FCGRT: variants seen among roughly 807,000 people sequenced by gnomAD.
The protein encoded by FCGRT is Fc gamma receptor and transporter.
FCGRT carries 13 observed loss-of-function variants against 35.7 expected under a neutral mutation model. The observed-to-expected ratio is 0.36, with a 90% CI of 0.24 to 0.58. The LOEUF is 0.58. Among genes scored for constraint, FCGRT ranks in the 20% least tolerant of loss-of-function variants. The probability of loss-of-function intolerance (pLI) is 0.77; values close to 1 mark genes in which losing one functional copy is unlikely to be tolerated. For missense variants in FCGRT, 455 were observed against 474.9 expected (o/e 0.96, Z 0.39); for synonymous variants, 233 against 216.5 (o/e 1.08, Z -0.67).
chr19:49,515,573 G>A (rs564149784), intron 4 of FCGRT, among the ~76,000 whole-genome samples: 2 of 152,158 alleles, frequency 1.3e-5, no homozygotes, highest in East Asian at 3.9e-4. Flanking sequence ...GAGCTACCGC[G>A]TCTGGCCATA....
chr19:49,525,739 GGAGACAGAGACCCAGAGACGGGGGAACA>G (rs937702954), intron 6 of FCGRT, among the ~76,000 whole-genome samples, 166 bp downstream of exon 6: 19 of 151,512 alleles, frequency 1.3e-4, no homozygotes, highest in Non-Finnish European at 2.7e-4. Flanking sequence ...AGAGGGGGAC[GGAGACAGAGACCCAGAGACGGGGGAACA>G]GAGACCCAGA....
chr19:49,514,164 C>G (rs1284568830), intron 3 of FCGRT, 31 bp downstream of exon 3: 5 of 1,611,082 alleles, frequency 3.1e-6, no homozygotes, highest in Non-Finnish European at 2.5e-6. Flanking sequence ...GGCAAGGGGC[C>G]GGGTCCATGC....
At chr19:49,516,251 T>C (rs1601189606) in intron 4 of FCGRT, 2 of 424,030 alleles carry the variant, frequency 4.7e-6, no homozygotes, top group East Asian at 1.4e-4. Flanking sequence ...AAAATTTCTT[T>C]CTTTTTTTGA....
intron 4 of FCGRT, among the ~76,000 whole-genome samples, chr19:49,519,619 A>G (rs987640166): frequency 6.6e-6 from 1 of 152,130 alleles, no homozygotes; most frequent in Non-Finnish European, 1.5e-5. Flanking sequence ...GAGCAGCTCC[A>G]TCTAGAAGCT....
chr19:49,515,109 C>T (rs2080000317), intron 4 of FCGRT: 1 of 152,102 alleles, frequency 6.6e-6, no homozygotes, highest in South Asian at 2.1e-4. Context: ...GTCCTCCCAC[C>T]TCAGCCAACC....
At position 49,524,764 on chromosome 19, in the gene FCGRT, A is replaced by T; in HGVS notation, c.859A>T (p.Arg287Trp). ...VQHAGLAQPL[R>W]VELESPAKSS... ...GCACGCGGGGCTGGCGCAGCCCCTCAGGGTGGAGCTGGGTGAGGTCCCGCC... is the reference window on the plus strand; with the variant it reads ...GCACGCGGGGCTGGCGCAGCCCCTCTGGGTGGAGCTGGGTGAGGTCCCGCC... Residue 287 changes from arginine to tryptophan, a missense_variant, in exon 5 of 7, where the codon AGG (arginine) becomes TGG (tryptophan). By Grantham distance (101) the Arg-to-Trp change is moderately radical. Transcript: ENST00000221466. 1 of 1,600,188 alleles carries T rather than the reference A, an allele frequency of 6.2e-7. No homozygotes were observed. Among genetic ancestry groups the T allele is most frequent in the Non-Finnish European group, 8.5e-7 (1 of 1,179,606 alleles).
rs1761566171 is a variant in FCGRT, at chr19:49,525,525, G to A, written c.940G>A (p.Ala314Thr). The A allele has an allele frequency of 6.2e-7, 1 of 1,613,846 alleles. No homozygotes were observed. Among genetic ancestry groups the A allele is most frequent in the Non-Finnish European group, 8.5e-7 (1 of 1,179,986 alleles). ...CGGTGTCTTGCTACTCACGGCAGCG[G>A]CTGTAGGAGGAGCTCTGTTGTGGAG... ...VIGVLLLTAAAVGGALLWRRM... is the reference protein window; with the variant it reads ...VIGVLLLTAATVGGALLWRRM... The change falls in exon 6 of 7, where the codon GCT becomes ACT. Residue 314 changes from alanine to threonine, a missense_variant. Physicochemically the swap from Ala to Thr is moderately conservative, Grantham distance 58 (BLOSUM62 0). Around this residue, in one of 3 missense-constraint regions of FCGRT, gnomAD observed 312 missense variants for 296.1 expected, o/e 1.05. Transcript: ENST00000221466.
chr19:49,526,247 C>T lies in FCGRT; in HGVS notation c.*128C>T, dbSNP rs1601202354. On this transcript the variant is annotated 3_prime_UTR_variant, in exon 7 of 7. Coordinates refer to ENST00000221466, the MANE Select transcript of FCGRT (RefSeq NM_001136019.3). ...GGGCCTAGTTGTCCTCCCTCTGGAGCCCCGTCCTGTGGTCTGCCTCAGTTT... is the reference window on the plus strand; with the variant it reads ...GGGCCTAGTTGTCCTCCCTCTGGAGTCCCGTCCTGTGGTCTGCCTCAGTTT... 4.5e-6 allele frequency: 3 copies of T among 660,984 alleles called. No individual in the cohort carries two copies. The highest frequency in any genetic ancestry group is 2.6e-5 in the Admixed American group (1 of 39,044). The allele number at this position is 660,984 out of a possible 1,614,324, so 40.9% of individuals were successfully genotyped here.
intron 2 of FCGRT, 200 bp downstream of exon 2, chr19:49,513,673 C>T (rs753499027): frequency 3.4e-5 from 17 of 496,972 alleles, no homozygotes; most frequent in Non-Finnish European, 5.5e-5. Context: ...GTTTCCCTCT[C>T]TCTCTCTGGG....
At chr19:49,514,615 G>C in intron 4 of FCGRT, 129 bp downstream of exon 4, 3 of 899,162 alleles carry the variant, frequency 3.3e-6, no homozygotes, top group Admixed American at 6.0e-5. Flanking sequence ...CATTCCTCAG[G>C]GGTCCTTCTA....
intron 4 of FCGRT, among the ~76,000 whole-genome samples, chr19:49,517,945 C>A (rs188737395): frequency 9.9e-5 from 15 of 152,260 alleles, no homozygotes; most frequent in African/African-American, 3.1e-4. Context: ...CCCACCTTGG[C>A]CTCCCAAAGT....
chr19:49,517,952 A>G (rs2080018144), intron 4 of FCGRT, among the ~76,000 whole-genome samples: 2 of 151,978 alleles, frequency 1.3e-5, no homozygotes, highest in South Asian at 4.2e-4. Context: ...TGGCCTCCCA[A>G]AGTGCTGGGA....
chr19:49,525,657 C>G, intron 6 of FCGRT, 84 bp downstream of exon 6: 1 of 935,590 alleles, frequency 1.1e-6, no homozygotes, highest in Non-Finnish European at 1.7e-6. Flanking sequence ...GGACAGAGAC[C>G]CAGAGAGGGG....
intron 4 of FCGRT, chr19:49,516,282 G>A (rs531419090): frequency 2.3e-5 from 9 of 399,422 alleles, no homozygotes; most frequent in Middle Eastern, 3.9e-4. Flanking sequence ...CGCTCTTGTC[G>A]CCCAGGCTGG....
chr19:49,515,166 A>T (rs900891676), intron 4 of FCGRT: 4 of 151,456 alleles, frequency 2.6e-5, no homozygotes, highest in Non-Finnish European at 5.9e-5. Flanking sequence ...GGCTAACTTT[A>T]TATTTTGTAG....
rs536968867 is a variant in FCGRT, at chr19:49,524,908, G to A, written c.871+132G>A. On this transcript the variant is annotated intron_variant, in intron 5 of 6. Transcript: ENST00000221466. ...TGAATCTGACTGCCTTGAACCTCAC[G>A]CCTGTCAGTGCCCCCAAAACCTGAT... The A allele has an allele frequency of 1.8e-5, 16 of 894,112 alleles. No homozygotes were observed. The Admixed American group carries it at 2.4e-4, about 13-fold the overall frequency. 55.4% of individuals were successfully genotyped at this position (894,112 alleles called of 1,614,324 possible). A position where few individuals can be genotyped will look rare whatever the true frequency, so the allele number is the denominator to read the frequency against.
chr19:49,514,620 C>T, intron 4 of FCGRT, 134 bp downstream of exon 4: 1 of 812,096 alleles, frequency 1.2e-6, no homozygotes. Context: ...CTCAGGGGTC[C>T]TTCTACACTC....
In FCGRT at chr19:49,526,220, C is replaced by T; in HGVS notation, c.*101C>T. 2 of 792,738 alleles carry T rather than the reference C, an allele frequency of 2.5e-6. No homozygotes were observed. The highest frequency in any genetic ancestry group is 4.3e-6 in the Non-Finnish European group (2 of 464,876). The allele number at this position is 792,738 out of a possible 1,614,324, so 49.1% of individuals were successfully genotyped here. A position where few individuals can be genotyped will look rare whatever the true frequency, so the allele number is the denominator to read the frequency against. On this transcript the variant is annotated 3_prime_UTR_variant, in exon 7 of 7. Coordinates refer to ENST00000221466, the MANE Select transcript of FCGRT (RefSeq NM_001136019.3). Reference sequence around the variant, plus strand: ...CATCTCTGAGCCTCCAGAAGGGGTTCTGGGCCTAGTTGTCCTCCCTCTGGA... The same window carrying T: ...CATCTCTGAGCCTCCAGAAGGGGTTTTGGGCCTAGTTGTCCTCCCTCTGGA...
At position 49,524,526 on chromosome 19, in the gene FCGRT, G is replaced by A. The variant is rs143433726; in HGVS notation, c.621G>A (p.Leu207=). ...CTGCAGAGCCCCCCTCCATGCGCCTGAAGGCCCGACCCAGCAGCCCTGGCT... is the reference window on the plus strand; with the variant it reads ...CTGCAGAGCCCCCCTCCATGCGCCTAAAGGCCCGACCCAGCAGCCCTGGCT... ...LEWKEPPSMR[L]KARPSSPGFS... is the part of the protein sequence containing the mutation. Residue 207 remains leucine, a synonymous_variant, in exon 5 of 7, where the codon CTG becomes CTA. Coordinates refer to ENST00000221466, the MANE Select transcript of FCGRT (RefSeq NM_001136019.3). 120 of 1,608,716 alleles carry A rather than the reference G, an allele frequency of 7.5e-5. No homozygotes were observed. In the African/African-American group the frequency reaches 1.3e-3, roughly 18 times the overall value.
Sources: gnomAD v4.1 joint callset for allele counts (sites outside exome capture counted in the v4.1 genomes callset) on GRCh38, gnomAD v4.1.1 for gene constraint, gnomAD v4.1.1 regional missense constraint, MANE v1.5 for transcripts, NCBI Gene and HGNC (gene_info 2026-07-23, HGNC 2026-07-21) for gene names.